Variants in SLC25A21 observed in about 807,000 individuals in gnomAD.
SLC25A21 encodes solute carrier family 25 member 21.
SLC25A21 carries 47 observed loss-of-function variants against 43.8 expected under a neutral mutation model. The ratio of observed to expected loss-of-function variants is 1.07; its 90% CI spans 0.85 to 1.37. The LOEUF is 1.37. SLC25A21 is among the 40% of genes most tolerant of loss of function. The probability of loss-of-function intolerance (pLI) is 0.00; values close to 1 mark genes in which losing one functional copy is unlikely to be tolerated. For synonymous variants in SLC25A21, 131 were observed against 121.3 expected (o/e 1.08, Z -0.52); for missense variants, 352 against 350.2 (o/e 1.00, Z -0.04).
chr14:37,063,641 T>C (rs1961999117), intron 1 of SLC25A21, among the ~76,000 whole-genome samples: 1 of 152,092 alleles, frequency 6.6e-6, no homozygotes, highest in African/African-American at 2.4e-5. Flanking sequence ...CACTTCAGCT[T>C]GACTGGCACT....
intron 2 of SLC25A21, among the ~76,000 whole-genome samples, chr14:36,862,989 C>T (rs763541251): frequency 1.3e-5 from 2 of 152,052 alleles, no homozygotes; most frequent in African/African-American, 2.4e-5. Context: ...AATGAAATTG[C>T]TGGAAATTTG....
At chr14:36,866,817 C>A (rs1317035278) in intron 2 of SLC25A21, among the ~76,000 whole-genome samples, 1 of 152,080 alleles carries the variant, frequency 6.6e-6, no homozygotes, top group Non-Finnish European at 1.5e-5. Flanking sequence ...CAACAGATTT[C>A]AAAGACTTTG....
intron 3 of SLC25A21, among the ~76,000 whole-genome samples, chr14:36,800,285 C>A (rs749351230): frequency 2.0e-5 from 3 of 152,108 alleles, no homozygotes; most frequent in Non-Finnish European, 4.4e-5. Flanking sequence ...TTCATAGCAG[C>A]ATTACTCCCA....
chr14:37,106,010 TATA>T (rs1264195972), intron 1 of SLC25A21, among the ~76,000 whole-genome samples: 27 of 152,320 alleles, frequency 1.8e-4, no homozygotes, highest in African/African-American at 6.5e-4. Context: ...ATAATACTTT[TATA>T]ATTTCTTATG....
intron 1 of SLC25A21, among the ~76,000 whole-genome samples, chr14:37,123,292 C>T (rs527934156): frequency 9.2e-5 from 14 of 152,232 alleles, no homozygotes; most frequent in African/African-American, 2.6e-4. Context: ...ATTATTCTTC[C>T]GATTCCTCGA....
At chr14:36,825,115 A>C (rs1210405541) in intron 2 of SLC25A21, among the ~76,000 whole-genome samples, 2 of 152,164 alleles carry the variant, frequency 1.3e-5, no homozygotes, top group Non-Finnish European at 2.9e-5. Flanking sequence ...GGACAACAAC[A>C]ACAATAAAAG....
intron 2 of SLC25A21, among the ~76,000 whole-genome samples, chr14:36,862,693 G>GC (rs1424562054): frequency 6.6e-6 from 1 of 152,066 alleles, no homozygotes; most frequent in Non-Finnish European, 1.5e-5. Context: ...AACCACCATG[G>GC]CATGTGTATA....
intron 2 of SLC25A21, among the ~76,000 whole-genome samples, chr14:36,845,552 T>C (rs533895671): frequency 6.6e-6 from 1 of 152,384 alleles, no homozygotes; most frequent in Admixed American, 6.5e-5. Flanking sequence ...AAGTATTGCA[T>C]GAGGCACTGG....
chr14:36,978,605 G>C (rs1056952431), intron 1 of SLC25A21, among the ~76,000 whole-genome samples: 4 of 152,104 alleles, frequency 2.6e-5, no homozygotes, highest in Non-Finnish European at 4.4e-5. Flanking sequence ...TGATACTCCT[G>C]CCTCAAAATA....
chr14:37,046,385 AG>A (rs1369901096), intron 1 of SLC25A21, among the ~76,000 whole-genome samples: 2 of 152,134 alleles, frequency 1.3e-5, no homozygotes, highest in Non-Finnish European at 2.9e-5. Flanking sequence ...CCCCCAAAGA[AG>A]GCTGTGACTG....
In SLC25A21 at chr14:37,078,290, C is replaced by T. The variant is rs1171176511; in HGVS notation, c.70+93991G>A. On this transcript the variant is annotated intron_variant, in intron 1 of 9. Transcript: ENST00000331299. Reference sequence around the variant, plus strand: ...TTTCACTGCTGGGTTAGCTGACATTCTTTCCTTCACTTCCCTAGTTGAGCT... The same window carrying T: ...TTTCACTGCTGGGTTAGCTGACATTTTTTCCTTCACTTCCCTAGTTGAGCT... 2.0e-5 allele frequency among the ~76,000 whole-genome samples: 3 copies of T among 152,172 alleles called. No homozygotes were observed. The East Asian group carries it at 5.8e-4, about 29-fold the overall frequency.
chr14:37,020,559 T>A (rs1960963528), intron 1 of SLC25A21, among the ~76,000 whole-genome samples: 1 of 151,984 alleles, frequency 6.6e-6, no homozygotes, highest in African/African-American at 2.4e-5. Context: ...TCAATTTGTT[T>A]GTACTATGTA....
At chr14:37,131,744 A>G (rs1449712705) in intron 1 of SLC25A21, among the ~76,000 whole-genome samples, 2 of 152,162 alleles carry the variant, frequency 1.3e-5, no homozygotes, top group African/African-American at 2.4e-5. Flanking sequence ...ATGAAAACAC[A>G]GCTTACCGCA....
chr14:36,968,225 C>T (rs147991900), intron 1 of SLC25A21, among the ~76,000 whole-genome samples: 30 of 152,288 alleles, frequency 2.0e-4, no homozygotes, highest in African/African-American at 7.0e-4. Flanking sequence ...TAAAGTCACT[C>T]CTGTTATTGG....
intron 2 of SLC25A21, among the ~76,000 whole-genome samples, chr14:36,816,626 C>A (rs1233753710): frequency 4.0e-5 from 6 of 151,804 alleles, no homozygotes; most frequent in Non-Finnish European, 8.8e-5. Flanking sequence ...CCTCAGCCTC[C>A]CGAGCTGGGA....
At chr14:36,994,597 G>C (rs1039418973) in intron 1 of SLC25A21, among the ~76,000 whole-genome samples, 10 of 152,160 alleles carry the variant, frequency 6.6e-5, no homozygotes, top group African/African-American at 2.4e-4. Context: ...ACCATAGGCA[G>C]AGTGGGAGCC....
At chr14:36,721,141 C>T (rs1884358568) in intron 6 of SLC25A21, among the ~76,000 whole-genome samples, 1 of 152,174 alleles carries the variant, frequency 6.6e-6, no homozygotes, top group Admixed American at 6.5e-5. Context: ...CTACCATTTG[C>T]CAGGCTCCAT....
In SLC25A21 at chr14:36,678,553, T is replaced by C. The variant is rs958649708; in HGVS notation, c.*2105A>G. 1.6e-5 allele frequency: 25 copies of C among 1,536,334 alleles called. No homozygotes were observed. The Middle Eastern group carries it at 5.0e-4, about 31-fold the overall frequency. ...ATCCAATATTTTGGTGGAGACTTCT[T>C]TAAAACCATACCATACAGGGACTCT... On this transcript the variant is annotated 3_prime_UTR_variant, in exon 10 of 10. Transcript: ENST00000331299.
At chr14:36,769,615 G>A (rs911784526) in intron 3 of SLC25A21, among the ~76,000 whole-genome samples, 5 of 152,008 alleles carry the variant, frequency 3.3e-5, no homozygotes, top group African/African-American at 4.8e-5. Context: ...TTATCTTTGC[G>A]TGGTGCATGT....
Sources: allele counts gnomAD v4.1 joint callset (sites outside exome capture counted in the v4.1 genomes callset), GRCh38; gene constraint gnomAD v4.1.1; transcripts MANE v1.5; gene names NCBI Gene and HGNC (gene_info 2026-07-23, HGNC 2026-07-21).